The following ERC1 variants were observed in gnomAD, a reference collection of about 807,000 sequenced individuals.
ERC1 encodes the protein RAB6 interacting protein 2.
ERC1 carries 56 observed loss-of-function variants against 132.0 expected under a neutral mutation model. The ratio of observed to expected loss-of-function variants is 0.42; its 90% confidence interval spans 0.34 to 0.53. ERC1 has a LOEUF of 0.53. Ranked by LOEUF, ERC1 falls within the 20% of genes least tolerant of loss-of-function variation. The pLI, the probability that ERC1 is intolerant of heterozygous loss-of-function variation, is 0.03. For missense variants in ERC1, 1,202 were observed against 1,349.9 expected (o/e 0.89, Z 1.72); for synonymous variants, 478 against 476.1 (o/e 1.00, Z -0.05).
At chr12:992,256 G>C in intron 1 of ERC1, among the ~76,000 whole-genome samples, 1 of 152,168 alleles carries the variant, frequency 6.6e-6, no homozygotes, top group East Asian at 1.9e-4. Context: ...AACTCAGGTG[G>C]TTGCTTTGGA....
chr12:1,298,639 A>G (rs139361278), intron 15 of ERC1, among the ~76,000 whole-genome samples: 46 of 152,162 alleles, frequency 3.0e-4, no homozygotes, highest in Non-Finnish European at 5.6e-4. Context: ...TATCCAACCA[A>G]TAAAGGCAGA....
In ERC1 at chr12:1,024,235, G is replaced by A. The variant is rs188225542; in HGVS notation, c.-156-3513G>A. Among the ~76,000 whole-genome samples the A allele has an allele frequency of 1.9e-4, 29 of 152,230 alleles. 1 individual carries two copies. In the East Asian group the frequency reaches 5.4e-3, roughly 28 times the overall value. On this transcript the variant is annotated intron_variant, in intron 1 of 18. Coordinates refer to ENST00000360905, the MANE Select transcript of ERC1 (RefSeq NM_178040.4). ...ACCTCTACCAAAAATACAAAAATTA[G>A]CTGGGTGTGCTGATGCTCGCCTGTA...
At chr12:1,094,096 G>A (rs1277141727) in intron 3 of ERC1, among the ~76,000 whole-genome samples, 8 of 138,072 alleles carry the variant, frequency 5.8e-5, no homozygotes, top group Non-Finnish European at 7.9e-5. Flanking sequence ...TCAGCTCACC[G>A]CAACCTCCGC....
intron 13 of ERC1, among the ~76,000 whole-genome samples, chr12:1,249,844 CCTT>C (rs1566381785): frequency 6.6e-6 from 1 of 152,184 alleles, no homozygotes; most frequent in Non-Finnish European, 1.5e-5. Flanking sequence ...ATAGGTAGCA[CCTT>C]CTTGTTGTGT....
chr12:1,113,578 A>T (rs1446401757), intron 6 of ERC1, among the ~76,000 whole-genome samples: 1 of 152,226 alleles, frequency 6.6e-6, no homozygotes, highest in Non-Finnish European at 1.5e-5. Flanking sequence ...AACTTGGGCT[A>T]CTTTTGTAGA....
At chr12:1,418,776 GATCATA>G (rs1454939136) in intron 17 of ERC1, among the ~76,000 whole-genome samples, 9 of 150,246 alleles carry the variant, frequency 6.0e-5, no homozygotes, top group Non-Finnish European at 1.3e-4. Context: ...GTAGTGGCAT[GATCATA>G]GCTTACCGTA....
intron 15 of ERC1, among the ~76,000 whole-genome samples, chr12:1,356,212 A>AGTGTGTGTGTGTGTGTGTG (rs1489476709): frequency 5.9e-5 from 7 of 119,058 alleles, no homozygotes; most frequent in African/African-American, 1.7e-4. Context: ...AAAAAAAAAA[A>AGTGTGTGTGTGTGTGTGTG]AGTGTGTGTG....
At chr12:1,363,355 G>A (rs77315173) in intron 15 of ERC1, among the ~76,000 whole-genome samples, 6 of 151,950 alleles carry the variant, frequency 3.9e-5, no homozygotes, top group African/African-American at 1.5e-4. Flanking sequence ...AAAGGTGAAG[G>A]AAAAAACTGA....
At chr12:1,419,725 T>A (rs2092346224) in intron 17 of ERC1, among the ~76,000 whole-genome samples, 1 of 151,942 alleles carries the variant, frequency 6.6e-6, no homozygotes, top group Non-Finnish European at 1.5e-5. Context: ...TGGAGAATGG[T>A]TGCACAACAG....
At chr12:1,184,779 G>A (rs1954882434) in intron 11 of ERC1, among the ~76,000 whole-genome samples, 1 of 152,110 alleles carries the variant, frequency 6.6e-6, no homozygotes, top group African/African-American at 2.4e-5. Flanking sequence ...TAGAGACAGG[G>A]TCTTGCTCTG....
intron 4 of ERC1, among the ~76,000 whole-genome samples, chr12:1,105,600 G>A (rs573769526): frequency 8.5e-5 from 13 of 152,072 alleles, no homozygotes; most frequent in Non-Finnish European, 1.5e-4. Context: ...CTCGTTATCC[G>A]CCCGCCTCGG....
intron 15 of ERC1, among the ~76,000 whole-genome samples, chr12:1,311,630 CGT>C (rs1462516386): frequency 6.6e-6 from 1 of 152,018 alleles, no homozygotes; most frequent in African/African-American, 2.4e-5. Context: ...TAGTTTTTCT[CGT>C]GTATCAGGCA....
At chr12:1,270,010 A>G (rs1206178473) in intron 14 of ERC1, among the ~76,000 whole-genome samples, 1 of 152,208 alleles carries the variant, frequency 6.6e-6, no homozygotes, top group African/African-American at 2.4e-5. Context: ...TTAAGTTGCC[A>G]GTTGGTAGAT....
intron 18 of ERC1, among the ~76,000 whole-genome samples, chr12:1,464,608 C>A (rs1334434879): frequency 6.7e-6 from 1 of 149,362 alleles, no homozygotes; most frequent in African/African-American, 2.5e-5. Context: ...CAACCTCCCC[C>A]TCCCGAGTTC....
At position 1,034,800 on chromosome 12, in the gene ERC1, C is replaced by T. The variant is rs547936106; in HGVS notation, c.669+6228C>T. ...TACTTCAGAAGCTGTGTGGAAAATA[C>T]GTAATATCCTTTCTAAGTATCAGTC... On this transcript the variant is annotated intron_variant, in intron 2 of 18. Coordinates refer to ENST00000360905, the MANE Select transcript of ERC1 (RefSeq NM_178040.4). 7.9e-5 allele frequency among the ~76,000 whole-genome samples: 12 copies of T among 152,274 alleles called. No individual in the cohort carries two copies. In the East Asian group the frequency reaches 2.3e-3, roughly 29 times the overall value.
At chr12:1,207,472 C>G (rs957895041) in intron 12 of ERC1, among the ~76,000 whole-genome samples, 17 of 152,118 alleles carry the variant, frequency 1.1e-4, no homozygotes, top group African/African-American at 4.1e-4. Flanking sequence ...TTAAGCAACT[C>G]TATTGTTCAA....
rs755992278 is a variant in ERC1, at chr12:991,250, C to CGGCGGCGGCGGTAGT, written c.-217_-203dup. 6.0e-5 allele frequency: 10 copies of CGGCGGCGGCGGTAGT among 165,792 alleles called. No homozygotes were observed. Among genetic ancestry groups the CGGCGGCGGCGGTAGT allele is most frequent in the African/African-American group, 9.7e-5 (4 of 41,392 alleles). The allele number at this position is 165,792 out of a possible 1,614,324, so 10.3% of individuals were successfully genotyped here. ...GGGCGCCTGGGCCGTGCTGTGGCGG[C>CGGCGGCGGCGGTAGT]GGCGGCGGCGGTAGTGGCGGCGGCG... On this transcript the variant is annotated 5_prime_UTR_variant, in exon 1 of 19. Coordinates refer to ENST00000360905, the MANE Select transcript of ERC1 (RefSeq NM_178040.4).
chr12:1,335,736 CGT>C (rs966911706), intron 15 of ERC1, among the ~76,000 whole-genome samples: 2 of 152,098 alleles, frequency 1.3e-5, no homozygotes, highest in Non-Finnish European at 2.9e-5. Flanking sequence ...ATGCCGACCT[CGT>C]AGAATTAGTT....
intron 18 of ERC1, among the ~76,000 whole-genome samples, chr12:1,487,175 G>A (rs572398240): frequency 1.2e-4 from 18 of 152,254 alleles, no homozygotes; most frequent in Non-Finnish European, 2.2e-4. Context: ...AGAGTTTGGG[G>A]TGCACCAAGG....
Sources: gnomAD v4.1 joint callset for allele counts (sites outside exome capture counted in the v4.1 genomes callset) on GRCh38, gnomAD v4.1.1 for gene constraint, MANE v1.5 for transcripts, NCBI Gene and HGNC (gene_info 2026-07-23, HGNC 2026-07-21) for gene names.